DLG2: variants seen among roughly 807,000 people sequenced by gnomAD.
DLG2 encodes disks large homolog 2.
DLG2 carries 45 observed loss-of-function variants against 132.5 expected under a neutral mutation model. The observed-to-expected ratio is 0.34, with a 90% CI of 0.27 to 0.44. The LOEUF (loss-of-function observed/expected upper bound fraction) is 0.44. Ranked by LOEUF, DLG2 falls within the 20% of genes least tolerant of loss-of-function variation. The pLI is 1.00. For synonymous variants in DLG2, 424 were observed against 419.6 expected (o/e 1.01, Z -0.13); for missense variants, 1,045 against 1,196.9 (o/e 0.87, Z 1.87).
chr11:85,456,172 AG>A (rs953454405), intron 3 of DLG2, among the ~76,000 whole-genome samples: 1 of 152,142 alleles, frequency 6.6e-6, no homozygotes, highest in African/African-American at 2.4e-5. Flanking sequence ...TAGTCTGTTC[AG>A]GGATTCCTGG....
intron 18 of DLG2, among the ~76,000 whole-genome samples, chr11:83,697,398 T>A (rs12222455): frequency 0.19 from 28,333 of 152,130 alleles, 2,806 homozygotes; most frequent in South Asian, 0.24. Flanking sequence ...ACTGGCTTGT[T>A]GTAATACTAA....
intron 3 of DLG2, among the ~76,000 whole-genome samples, chr11:85,597,492 G>A (rs1160309016): frequency 6.6e-6 from 1 of 151,860 alleles, no homozygotes; most frequent in Non-Finnish European, 1.5e-5. Flanking sequence ...CAGCTAAGAT[G>A]ATTACAGTTA....
At chr11:84,883,714 C>T (rs2154056216) in intron 6 of DLG2, among the ~76,000 whole-genome samples, 1 of 152,132 alleles carries the variant, frequency 6.6e-6, no homozygotes, top group East Asian at 1.9e-4. Context: ...AAATCATATT[C>T]TCACTCAAAA....
Position 84,402,881 on chromosome 11 carries a change from C to CAA in DLG2, c.519+131687_519+131688dup, listed in dbSNP as rs34476380. 2.1e-3 allele frequency among the ~76,000 whole-genome samples: 158 copies of CAA among 73,864 alleles called. 20 individuals carry two copies. The highest frequency in any genetic ancestry group is 0.014 in the African/African-American group (129 of 9,548). 48.5% of individuals were successfully genotyped at this position (73,864 alleles called of 152,430 possible). A position where few individuals can be genotyped will look rare whatever the true frequency, so the allele number is the denominator to read the frequency against. On this transcript the variant is annotated intron_variant, in intron 7 of 27. Transcript: ENST00000376104. ...TGGGCGACAGAGCGAAACTCCGTCT[C>CAA]AAAAAAAAAAAAAAAAAAAATTAAC...
chr11:83,607,129 A>G (rs1235761261), intron 19 of DLG2, among the ~76,000 whole-genome samples: 2 of 152,200 alleles, frequency 1.3e-5, no homozygotes, highest in African/African-American at 2.4e-5. Flanking sequence ...GTACAGTAAC[A>G]GCTGGATTGG....
At chr11:83,902,893 G>T (rs141337356) in intron 15 of DLG2, among the ~76,000 whole-genome samples, 28 of 152,268 alleles carry the variant, frequency 1.8e-4, no homozygotes, top group Non-Finnish European at 3.1e-4. Context: ...CTGAGATGTG[G>T]TGACTCAAAT....
At position 85,261,280 on chromosome 11, in the gene DLG2, G is replaced by T. The variant is rs77659665; in HGVS notation, c.186+23940C>A. On this transcript the variant is annotated intron_variant, in intron 4 of 27. Transcript: ENST00000376104. Reference sequence around the variant, plus strand: ...GAGATATTTGGGAACAGAATGTTGTGCTAGTTGTTTATTTGTGGTTAGCCA... The same window carrying T: ...GAGATATTTGGGAACAGAATGTTGTTCTAGTTGTTTATTTGTGGTTAGCCA... Among the ~76,000 whole-genome samples, 602 of 152,206 alleles carry T rather than the reference G, an allele frequency of 4.0e-3. 13 individuals are homozygous for T. The East Asian group carries it at 0.053, about 13-fold the overall frequency.
intron 11 of DLG2, among the ~76,000 whole-genome samples, chr11:84,001,503 T>C (rs1236108112): frequency 6.6e-6 from 1 of 152,086 alleles, no homozygotes; most frequent in East Asian, 1.9e-4. Context: ...ACAATAATAG[T>C]GGGGTACTTC....
At chr11:85,333,314 T>C (rs980691793) in intron 3 of DLG2, among the ~76,000 whole-genome samples, 4 of 152,238 alleles carry the variant, frequency 2.6e-5, no homozygotes, top group African/African-American at 9.6e-5. Context: ...TTATTGAAGT[T>C]GTTTATCAGT....
chr11:83,904,131 TGTGACTAAAGG>T (rs1405501356), intron 15 of DLG2, among the ~76,000 whole-genome samples: 1 of 152,158 alleles, frequency 6.6e-6, no homozygotes, highest in East Asian at 1.9e-4. Context: ...ATGGCTCCTA[TGTGACTAAAGG>T]GTGGGTAGTG....
chr11:84,788,480 T>C (rs1022268488), intron 6 of DLG2, among the ~76,000 whole-genome samples: 1 of 152,160 alleles, frequency 6.6e-6, no homozygotes, highest in African/African-American at 2.4e-5. Context: ...TGAGTCATTC[T>C]CCACATACAT....
intron 7 of DLG2, among the ~76,000 whole-genome samples, chr11:84,307,335 G>A (rs1243432286): frequency 1.3e-5 from 2 of 152,156 alleles, no homozygotes; most frequent in South Asian, 2.1e-4. Flanking sequence ...ATAGACACCA[G>A]GACTTACTTG....
intron 21 of DLG2, among the ~76,000 whole-genome samples, chr11:83,498,590 T>C (rs1242144727): frequency 6.6e-6 from 1 of 150,746 alleles, no homozygotes; most frequent in Non-Finnish European, 1.5e-5. Flanking sequence ...TATATGTCTA[T>C]ACTAAAAAAA....
At chr11:84,487,879 A>C (rs1325708176) in intron 7 of DLG2, among the ~76,000 whole-genome samples, 1 of 152,150 alleles carries the variant, frequency 6.6e-6, no homozygotes, top group Admixed American at 6.6e-5. Context: ...GTGGGAGTAC[A>C]TTCCATGTGA....
intron 6 of DLG2, among the ~76,000 whole-genome samples, chr11:84,575,402 T>G (rs2099497073): frequency 2.0e-5 from 3 of 152,110 alleles, no homozygotes; most frequent in African/African-American, 7.2e-5. Flanking sequence ...CTCCTATTTA[T>G]CAAACTTAGT....
chr11:83,498,935 C>A (rs933539926), intron 21 of DLG2, among the ~76,000 whole-genome samples: 8 of 151,744 alleles, frequency 5.3e-5, no homozygotes, highest in African/African-American at 1.7e-4. Flanking sequence ...CAATTATATG[C>A]CAGTAAATTA....
intron 6 of DLG2, among the ~76,000 whole-genome samples, chr11:84,740,205 T>C (rs2153821932): frequency 6.6e-6 from 1 of 152,024 alleles, no homozygotes; most frequent in South Asian, 2.1e-4. Flanking sequence ...GAAAGGCACC[T>C]ATTAATTGGA....
At chr11:85,163,482 C>T (rs1400623801) in intron 4 of DLG2, among the ~76,000 whole-genome samples, 1 of 152,044 alleles carries the variant, frequency 6.6e-6, no homozygotes, top group East Asian at 1.9e-4. Context: ...ACTGTGGAAT[C>T]ATGAAGGCTT....
intron 6 of DLG2, among the ~76,000 whole-genome samples, chr11:84,982,090 A>G (rs2055835819): frequency 1.3e-5 from 2 of 152,150 alleles, no homozygotes; most frequent in African/African-American, 4.8e-5. Context: ...TCTGGCTGCT[A>G]AAGTCTCTCT....
Sources: allele counts gnomAD v4.1 joint callset (sites outside exome capture counted in the v4.1 genomes callset), GRCh38; gene constraint gnomAD v4.1.1; transcripts MANE v1.5; gene names NCBI Gene and HGNC (gene_info 2026-07-23, HGNC 2026-07-21).